The following ARMC3 variants were observed in gnomAD, a reference collection of about 807,000 sequenced individuals.
The protein encoded by ARMC3 is armadillo repeat containing 3.
In ARMC3, 74 loss-of-function variants were observed where a neutral mutation model predicts 90.3. That is an observed-to-expected ratio of 0.82 (90% CI 0.68 to 0.99). The LOEUF (loss-of-function observed/expected upper bound fraction) is 0.99, where lower values mean the gene tolerates loss of function less well. ARMC3 is among the 50% of genes least tolerant of loss of function. ARMC3 has a pLI of 0.00. For synonymous variants in ARMC3, 334 were observed against 361.8 expected, an observed-to-expected ratio of 0.92 and a Z score of 0.87; for missense variants, 958 against 1,042.8, an observed-to-expected ratio of 0.92 and a Z score of 1.12.
chr10:23,010,697 C>A (rs1837936842), intron 16 of ARMC3, among the ~76,000 whole-genome samples: 1 of 99,990 alleles, frequency 1.0e-5, no homozygotes, highest in Non-Finnish European at 2.1e-5. Context: ...CTTCCTTTCC[C>A]TTCCCCCTCC....
intron 10 of ARMC3, among the ~76,000 whole-genome samples, chr10:22,996,337 T>C (rs1449520133): frequency 6.6e-6 from 1 of 152,158 alleles, no homozygotes; most frequent in Non-Finnish European, 1.5e-5. Context: ...GAATGCTTAT[T>C]TTATCCCCTA....
intron 2 of ARMC3, among the ~76,000 whole-genome samples, chr10:22,941,422 G>C (rs9663235): frequency 0.058 from 8,883 of 152,126 alleles, 840 homozygotes; most frequent in African/African-American, 0.2. Context: ...GAAGAATTTA[G>C]TTGACAGGGA....
chr10:23,000,048 T>C (rs975101706), intron 11 of ARMC3, among the ~76,000 whole-genome samples: 4 of 152,172 alleles, frequency 2.6e-5, no homozygotes, highest in African/African-American at 7.2e-5. Flanking sequence ...CCTATTCCCC[T>C]TACTGGCTCC....
intron 10 of ARMC3, among the ~76,000 whole-genome samples, chr10:22,993,971 T>A (rs748510062): frequency 6.6e-6 from 1 of 152,244 alleles, no homozygotes; most frequent in African/African-American, 2.4e-5. Context: ...GGCATTTGAA[T>A]GAAAAATCTG....
chr10:22,965,868 A>G (rs1161646067), intron 7 of ARMC3, among the ~76,000 whole-genome samples: 2 of 152,050 alleles, frequency 1.3e-5, no homozygotes, highest in African/African-American at 2.4e-5. Context: ...TCATTTCTCT[A>G]TTGAGCTTTC....
intron 17 of ARMC3, among the ~76,000 whole-genome samples, chr10:23,032,116 T>C (rs1308799482): frequency 1.3e-5 from 2 of 152,096 alleles, no homozygotes; most frequent in Non-Finnish European, 2.9e-5. Context: ...AAAAATAAAA[T>C]TGCAATTCTG....
chr10:22,938,007 G>C (rs1389027023), intron 2 of ARMC3, among the ~76,000 whole-genome samples: 1 of 152,176 alleles, frequency 6.6e-6, no homozygotes, highest in Non-Finnish European at 1.5e-5. Flanking sequence ...TTATATTATA[G>C]TGGGAGAAAC....
intron 3 of ARMC3, among the ~76,000 whole-genome samples, chr10:22,952,386 T>A (rs772533314): frequency 2.0e-5 from 3 of 152,092 alleles, no homozygotes; most frequent in Non-Finnish European, 4.4e-5. Context: ...ATTAACAGGA[T>A]AAGAGGAATA....
intron 8 of ARMC3, among the ~76,000 whole-genome samples, chr10:22,971,707 C>T (rs892450232): frequency 5.3e-5 from 8 of 152,224 alleles, no homozygotes; most frequent in African/African-American, 1.9e-4. Flanking sequence ...TCTCAAAGTG[C>T]TGGGATTACA....
intron 11 of ARMC3, among the ~76,000 whole-genome samples, chr10:22,999,099 C>T (rs1171579896): frequency 6.6e-6 from 1 of 152,166 alleles, no homozygotes; most frequent in African/African-American, 2.4e-5. Flanking sequence ...GTGCTTTTTA[C>T]TAGGACTCTT....
chr10:22,975,405 A>T (rs1416666528), intron 8 of ARMC3, among the ~76,000 whole-genome samples: 1 of 152,152 alleles, frequency 6.6e-6, no homozygotes, highest in Non-Finnish European at 1.5e-5. Context: ...TCTACTAAAA[A>T]TACAAAAAAA....
At chr10:22,930,581 C>T (rs1308832827) in intron 1 of ARMC3, among the ~76,000 whole-genome samples, 2 of 152,130 alleles carry the variant, frequency 1.3e-5, no homozygotes, top group Non-Finnish European at 2.9e-5. Context: ...AGTTAGAGAC[C>T]TAGAATAAAT....
At chr10:23,029,344 CCTG>C (rs1289402333) in intron 16 of ARMC3, among the ~76,000 whole-genome samples, 1 of 152,124 alleles carries the variant, frequency 6.6e-6, no homozygotes, top group Non-Finnish European at 1.5e-5. Context: ...CTCTGCTCTT[CCTG>C]CTGCTATTTA....
chr10:22,991,363 A>T (rs564395401), intron 10 of ARMC3, among the ~76,000 whole-genome samples: 1 of 152,288 alleles, frequency 6.6e-6, no homozygotes, highest in African/African-American at 2.4e-5. Flanking sequence ...TGGGGGCCGG[A>T]TGTGATCCGT....
intron 10 of ARMC3, among the ~76,000 whole-genome samples, chr10:22,996,966 G>T (rs936328739): frequency 6.6e-6 from 1 of 151,314 alleles, no homozygotes; most frequent in Non-Finnish European, 1.5e-5. Context: ...AGTCCTAAAT[G>T]AAAAAATGTG....
chr10:23,033,815 G>A (rs1257097168), intron 18 of ARMC3, among the ~76,000 whole-genome samples: 1 of 152,132 alleles, frequency 6.6e-6, no homozygotes, highest in Non-Finnish European at 1.5e-5. Context: ...CCTAGGTGTG[G>A]TGCGAGAGAG....
intron 10 of ARMC3, among the ~76,000 whole-genome samples, chr10:22,990,943 G>T (rs921941665): frequency 6.0e-5 from 9 of 151,062 alleles, no homozygotes; most frequent in Non-Finnish European, 1.3e-4. Flanking sequence ...CTTTTTCCCC[G>T]GGTTCCTTTC....
At chr10:22,957,884 C>T (rs1489277786) in intron 4 of ARMC3, among the ~76,000 whole-genome samples, 4 of 152,064 alleles carry the variant, frequency 2.6e-5, no homozygotes, top group Non-Finnish European at 5.9e-5. Flanking sequence ...TACTTACATA[C>T]CATTGAATTT....
chr10:22,982,237 G>A (rs1171357664), intron 10 of ARMC3, among the ~76,000 whole-genome samples: 1 of 152,198 alleles, frequency 6.6e-6, no homozygotes, highest in Non-Finnish European at 1.5e-5. Context: ...AAATAGCTGG[G>A]CGTGGTGGCA....
Sources: allele counts gnomAD v4.1 joint callset (sites outside exome capture counted in the v4.1 genomes callset), GRCh38; gene constraint gnomAD v4.1.1; transcripts MANE v1.5; gene names NCBI Gene and HGNC (gene_info 2026-07-23, HGNC 2026-07-21).